TCF4: variants seen among roughly 807,000 people sequenced by gnomAD.
The protein encoded by TCF4 is SL3-3 enhancer factor 2.
In TCF4, 3 loss-of-function variants were observed where a neutral mutation model predicts 82.1. The ratio of observed to expected loss-of-function variants is 0.04; its 90% CI spans 0.02 to 0.09. TCF4 has a LOEUF of 0.09. Ranked by LOEUF, TCF4 falls within the 10% of genes least tolerant of loss-of-function variation. The pLI, the probability that TCF4 is intolerant of heterozygous loss-of-function variation, is 1.00. For missense variants in TCF4, 518 were observed against 852.7 expected (o/e 0.61, Z 4.89); for synonymous variants, 276 against 309.6 (o/e 0.89, Z 1.14).
intron 3 of TCF4, chr18:55,510,600 G>A (rs988893861): frequency 2.6e-6 from 4 of 1,513,244 alleles, no homozygotes; most frequent in Non-Finnish European, 3.5e-6. Context: ...TCTTCCATAT[G>A]AATAGGAAGT....
intron 3 of TCF4, among the ~76,000 whole-genome samples, chr18:55,541,080 G>GTACT (rs2097161369): frequency 6.6e-6 from 1 of 151,962 alleles, no homozygotes; most frequent in African/African-American, 2.4e-5. Flanking sequence ...ATACTACCAT[G>GTACT]TACGTAATAA....
At chr18:55,559,150 CAAAAAAA>C (rs748464132) in intron 3 of TCF4, among the ~76,000 whole-genome samples, 20 of 56,168 alleles carry the variant, frequency 3.6e-4, no homozygotes, top group South Asian at 1.1e-3. Flanking sequence ...TTCCCCAAAG[CAAAAAAA>C]AAAAAAAAAA....
In TCF4 at chr18:55,623,166, GGATA is replaced by G. The variant is rs138112272; in HGVS notation, c.286+8128_286+8131del. ...GTTTTTTAATAGTGTGTAACTTCTTGGATAGTTACCATGGATGATTATAATAATG... is the reference window on the plus strand; with the variant it reads ...GTTTTTTAATAGTGTGTAACTTCTTGGTTACCATGGATGATTATAATAATG... On this transcript the variant is annotated intron_variant, in intron 2 of 20. Transcript: ENST00000398339. 5.5e-3 allele frequency among the ~76,000 whole-genome samples: 840 copies of G among 152,118 alleles called. 5 individuals are homozygous for G. Among genetic ancestry groups the G allele is most frequent in the African/African-American group, 0.019 (799 of 41,506 alleles).
chr18:55,623,110 G>A (rs2097723159), intron 2 of TCF4, among the ~76,000 whole-genome samples: 1 of 152,118 alleles, frequency 6.6e-6, no homozygotes, highest in African/African-American at 2.4e-5. Flanking sequence ...ATTTTGGTCT[G>A]AAATACTTTC....
chr18:55,452,461 TTGTC>T (rs1176103855), intron 5 of TCF4: 1 of 152,316 alleles, frequency 6.6e-6, no homozygotes. Flanking sequence ...AGAAAGATCT[TTGTC>T]TGTCACTTGT....
At chr18:55,282,169 AT>A (rs1200652887) in intron 8 of TCF4, among the ~76,000 whole-genome samples, 1 of 151,910 alleles carries the variant, frequency 6.6e-6, no homozygotes, top group East Asian at 1.9e-4. Context: ...AGATCTCTAT[AT>A]TTTTGTTTAT....
chr18:55,521,201 A>C (rs981848641), intron 3 of TCF4, among the ~76,000 whole-genome samples: 11 of 152,344 alleles, frequency 7.2e-5, no homozygotes, highest in South Asian at 4.1e-4. Context: ...TAGATTATAC[A>C]TCATGCAAAA....
intron 10 of TCF4, among the ~76,000 whole-genome samples, chr18:55,271,485 T>C (rs191157974): frequency 1.1e-4 from 17 of 152,218 alleles, no homozygotes; most frequent in Non-Finnish European, 2.2e-4. Flanking sequence ...TGAATCTACG[T>C]ATTAGAGGTA....
intron 5 of TCF4, among the ~76,000 whole-genome samples, chr18:55,405,742 G>A (rs2094053552): frequency 6.6e-6 from 1 of 152,132 alleles, no homozygotes; most frequent in African/African-American, 2.4e-5. Context: ...AATGCAAAGA[G>A]CAAGAGGTAG....
chr18:55,317,751 G>C (rs931019783), intron 8 of TCF4, among the ~76,000 whole-genome samples: 2 of 152,066 alleles, frequency 1.3e-5, no homozygotes, highest in African/African-American at 4.8e-5. Context: ...TTTCCCAATT[G>C]AGAGATTCTG....
intron 3 of TCF4, among the ~76,000 whole-genome samples, chr18:55,556,056 A>G (rs190006511): frequency 3.2e-4 from 48 of 152,338 alleles, no homozygotes; most frequent in African/African-American, 1.1e-3. Context: ...TATTAACTGC[A>G]TGTGTCTTCT....
chr18:55,586,982 A>G (rs1376350179), intron 2 of TCF4, 63 bp downstream of exon 2: 1 of 1,403,040 alleles, frequency 7.1e-7, no homozygotes, highest in Admixed American at 1.7e-5. Flanking sequence ...TTCTAGCTGA[A>G]GTGTTTGGGT....
At chr18:55,493,549 A>T (rs2096597422) in intron 3 of TCF4, among the ~76,000 whole-genome samples, 1 of 152,202 alleles carries the variant, frequency 6.6e-6, no homozygotes, top group Non-Finnish European at 1.5e-5. Flanking sequence ...TATATGAAAT[A>T]CATTAAAAGC....
chr18:55,274,230 A>G (rs779142779), intron 10 of TCF4, among the ~76,000 whole-genome samples: 4 of 152,166 alleles, frequency 2.6e-5, no homozygotes, highest in Admixed American at 6.6e-5. Flanking sequence ...TTTCACTCTA[A>G]TATCTCCAAA....
rs1418026181 is a variant in TCF4, at chr18:55,633,729, G to A, written c.195+1974C>T. Among the ~76,000 whole-genome samples the A allele has an allele frequency of 6.6e-6, 1 of 151,940 alleles. No individual in the cohort carries two copies. Among genetic ancestry groups the A allele is most frequent in the Non-Finnish European group, 1.5e-5 (1 of 68,016 alleles). ...GTCTCTGTCACAATAATTCACCTTTGCTGTTGTAGCATACTTAATGACAAT... is the reference window on the plus strand; with the variant it reads ...GTCTCTGTCACAATAATTCACCTTTACTGTTGTAGCATACTTAATGACAAT... On this transcript the variant is annotated intron_variant, in intron 1 of 20. Coordinates refer to the TCF4 transcript ENST00000398339. This position sits in a 1 kb window ranked among gnomAD's most constrained non-coding sequence, Gnocchi z 4.0.
chr18:55,292,827 A>G (rs2065415481), intron 8 of TCF4, among the ~76,000 whole-genome samples: 1 of 141,822 alleles, frequency 7.1e-6, no homozygotes, highest in Non-Finnish European at 1.6e-5. Context: ...TACCCACATT[A>G]TACATCTTTA....
chr18:55,512,485 G>A (rs1048628829), intron 3 of TCF4, among the ~76,000 whole-genome samples: 4 of 151,984 alleles, frequency 2.6e-5, no homozygotes, highest in Non-Finnish European at 4.4e-5. Flanking sequence ...ATGAGGATAC[G>A]TTACATTTTA....
chr18:55,630,115 G>GT (rs2097730202), intron 2 of TCF4, among the ~76,000 whole-genome samples: 1 of 152,082 alleles, frequency 6.6e-6, no homozygotes, highest in African/African-American at 2.4e-5. Context: ...GCAAAGGTTT[G>GT]TTTTTTAAAA....
chr18:55,457,030 T>C (rs541357331), intron 5 of TCF4, among the ~76,000 whole-genome samples: 3 of 152,186 alleles, frequency 2.0e-5, no homozygotes, highest in East Asian at 3.9e-4. Context: ...CAACCTGGCA[T>C]GTATCTACAC....
Sources: gnomAD v4.1 joint callset for allele counts (sites outside exome capture counted in the v4.1 genomes callset) on GRCh38, gnomAD v4.1.1 for gene constraint, Gnocchi (gnomAD v3.1) non-coding constraint, MANE v1.5 for transcripts, NCBI Gene and HGNC (gene_info 2026-07-23, HGNC 2026-07-21) for gene names.